Variants in SLC23A2 observed in about 807,000 individuals in gnomAD.
SLC23A2 encodes the protein Na(+)/L-ascorbic acid transporter 2.
SLC23A2 carries 36 observed loss-of-function variants against 73.3 expected under a neutral mutation model. The observed-to-expected ratio is 0.49, with a 90% confidence interval of 0.38 to 0.65. The LOEUF is 0.65. Among genes scored for constraint, SLC23A2 ranks in the 30% least tolerant of loss-of-function variants. The probability of loss-of-function intolerance (pLI) is 0.00; values close to 1 mark genes in which losing one functional copy is unlikely to be tolerated. For missense variants in SLC23A2, 507 were observed against 841.6 expected, an observed-to-expected ratio of 0.60 and a Z score of 4.92; for synonymous variants, 343 against 327.3, an observed-to-expected ratio of 1.05 and a Z score of -0.52.
chr20:4,945,712 A>G (rs1230552327), intron 2 of SLC23A2, among the ~76,000 whole-genome samples: 1 of 152,192 alleles, frequency 6.6e-6, no homozygotes, highest in Non-Finnish European at 1.5e-5. Context: ...ATATCTCAAA[A>G]GACAGGGGTA....
At chr20:4,966,431 C>T (rs959927724) in intron 2 of SLC23A2, among the ~76,000 whole-genome samples, 5 of 151,994 alleles carry the variant, frequency 3.3e-5, no homozygotes, top group African/African-American at 1.2e-4. Context: ...AGCCACCAGC[C>T]CCAGGTGGCT....
intron 3 of SLC23A2, among the ~76,000 whole-genome samples, chr20:4,931,136 G>T (rs1362624263): frequency 7.1e-6 from 1 of 140,752 alleles, no homozygotes; most frequent in Non-Finnish European, 1.5e-5. Context: ...AAGCTCTCAA[G>T]TTCAAAACCA....
chr20:4,971,145 T>G (rs139962910), intron 1 of SLC23A2, among the ~76,000 whole-genome samples: 3 of 152,262 alleles, frequency 2.0e-5, no homozygotes, highest in African/African-American at 7.2e-5. Flanking sequence ...CAAAGTATTT[T>G]GAAAGATAGT....
chr20:4,961,193 C>T (rs1226404190), intron 2 of SLC23A2, among the ~76,000 whole-genome samples: 2 of 151,300 alleles, frequency 1.3e-5, no homozygotes, highest in African/African-American at 4.9e-5. Flanking sequence ...CTGCAACCTG[C>T]ACCTCCCAGG....
chr20:4,900,151 C>T (rs1034910309), intron 5 of SLC23A2, among the ~76,000 whole-genome samples: 1 of 151,980 alleles, frequency 6.6e-6, no homozygotes, highest in African/African-American at 2.4e-5. Context: ...GGATTACAGG[C>T]GTGAGCCACC....
intron 2 of SLC23A2, among the ~76,000 whole-genome samples, chr20:4,948,508 C>T (rs1294653909): frequency 6.6e-6 from 1 of 152,160 alleles, no homozygotes; most frequent in East Asian, 1.9e-4. Flanking sequence ...AAAGGGAGCT[C>T]TGAGGGATTC....
At chr20:4,987,810 T>C (rs566700274) in intron 1 of SLC23A2, among the ~76,000 whole-genome samples, 31 of 151,166 alleles carry the variant, frequency 2.1e-4, no homozygotes, top group Non-Finnish European at 2.9e-4. Context: ...CACGCCACTG[T>C]GCTCCAGCCT....
chr20:4,908,693 C>T (rs1242992393), intron 4 of SLC23A2, among the ~76,000 whole-genome samples: 1 of 152,146 alleles, frequency 6.6e-6, no homozygotes, highest in Non-Finnish European at 1.5e-5. Flanking sequence ...CTTTGGGAGG[C>T]CGAAGCAGGT....
At chr20:4,928,491 G>C (rs1021416228) in intron 3 of SLC23A2, among the ~76,000 whole-genome samples, 6 of 152,088 alleles carry the variant, frequency 3.9e-5, no homozygotes, top group African/African-American at 1.4e-4. Flanking sequence ...TTCAGACTAA[G>C]GTTCATCTTG....
At chr20:4,940,120 C>A (rs1405064745) in intron 2 of SLC23A2, among the ~76,000 whole-genome samples, 1 of 152,048 alleles carries the variant, frequency 6.6e-6, no homozygotes, top group Non-Finnish European at 1.5e-5. Flanking sequence ...GAGTTTGAGA[C>A]CAGCCTGGGT....
chr20:4,899,688 T>C lies in SLC23A2; in HGVS notation c.349A>G (p.Thr117Ala). 1 of 1,614,156 alleles carries C rather than the reference T, an allele frequency of 6.2e-7. No individual in the cohort carries two copies. Among genetic ancestry groups the C allele is most frequent in the Non-Finnish European group, 8.5e-7 (1 of 1,180,018 alleles). ...GCCAACAGGAAGGGCACTGCGATCG[T>C]GCCGCTGAAGCATGTCAGGTAGTGC... Reference protein sequence around the residue: ...LQHYLTCFSGTIAVPFLLADA... With the variant: ...LQHYLTCFSGAIAVPFLLADA... Residue 117 changes from threonine to alanine, a missense_variant, in exon 6 of 17, where the codon ACG (threonine) becomes GCG (alanine). Physicochemically the swap from Thr to Ala is moderately conservative, Grantham distance 58. Around this residue, in one of 5 missense-constraint regions of SLC23A2, gnomAD observed 217 missense variants for 398.0 expected, o/e 0.55. Transcript: ENST00000338244. The surrounding 1 kb of genome is among the most constrained non-coding windows in gnomAD (Gnocchi z 4.9).
At chr20:4,887,226 G>A (rs564458404) in intron 6 of SLC23A2, among the ~76,000 whole-genome samples, 1 of 152,316 alleles carries the variant, frequency 6.6e-6, no homozygotes, top group Middle Eastern at 3.4e-3. Flanking sequence ...AGAGGATAGC[G>A]GAAGTGAAGG....
Position 4,874,039 on chromosome 20 carries a change from T to C in SLC23A2, c.999A>G (p.Thr333=). The part of the protein sequence containing the change: ...SWLLCFIFTV[T]DVFPPDSTKY... ...TTGTGCTGTCGGGAGGGAAGACATCTGTCACCGTGAAGATGAAGCAGAGCA... is the reference window on the plus strand; with the variant it reads ...TTGTGCTGTCGGGAGGGAAGACATCCGTCACCGTGAAGATGAAGCAGAGCA... The change falls in exon 11 of 17, where the codon ACA becomes ACG. Residue 333 remains threonine, a synonymous_variant. Coordinates refer to ENST00000338244, the MANE Select transcript of SLC23A2 (RefSeq NM_005116.6). 6.2e-7 allele frequency: 1 copy of C among 1,614,130 alleles called. No individual in the cohort carries two copies. The highest frequency in any genetic ancestry group is 1.1e-5 in the South Asian group (1 of 91,086).
Position 4,953,347 on chromosome 20 carries a change from G to T in SLC23A2, c.-155+17446C>A, listed in dbSNP as rs918737359. ...AATTAAATTAAATAAAAAAAGAAAT[G>T]TAATTAAATAAAGCAGACAGAAAAG... On this transcript the variant is annotated intron_variant, in intron 2 of 16. Coordinates refer to ENST00000338244, the MANE Select transcript of SLC23A2 (RefSeq NM_005116.6). Among the ~76,000 whole-genome samples the T allele has an allele frequency of 6.6e-5, 10 of 151,802 alleles. 1 individual carries two copies. The highest frequency in any genetic ancestry group is 3.4e-3 in the Middle Eastern group (1 of 294).
At chr20:5,007,525 A>G (rs1193388526) in intron 1 of SLC23A2, among the ~76,000 whole-genome samples, 3 of 152,212 alleles carry the variant, frequency 2.0e-5, no homozygotes, top group Non-Finnish European at 4.4e-5. Context: ...AGCAAGACTC[A>G]GTGTCAAAAA....
chr20:5,001,198 T>C (rs909337760), intron 1 of SLC23A2, among the ~76,000 whole-genome samples: 36 of 150,072 alleles, frequency 2.4e-4, no homozygotes, highest in African/African-American at 8.8e-4. Context: ...GCCGGGCATC[T>C]TGGGCCCCGG....
intron 2 of SLC23A2, among the ~76,000 whole-genome samples, chr20:4,955,689 T>C (rs1233297423): frequency 2.0e-5 from 3 of 151,832 alleles, no homozygotes; most frequent in African/African-American, 4.8e-5. Context: ...ACTTGAAGGG[T>C]TGAGGTGGGA....
chr20:4,993,265 G>A (rs2087958751), intron 1 of SLC23A2, among the ~76,000 whole-genome samples: 2 of 139,060 alleles, frequency 1.4e-5, no homozygotes, highest in South Asian at 4.5e-4. Context: ...GCCTGGGCGC[G>A]CCACTGCACC....
chr20:4,853,805 T>A lies in SLC23A2; in HGVS notation c.*3167A>T, dbSNP rs1403945058. 6.6e-6 allele frequency: 1 copy of A among 152,288 alleles called. No homozygotes were observed. Among genetic ancestry groups the A allele is most frequent in the Non-Finnish European group, 1.5e-5 (1 of 68,036 alleles). 9.4% of individuals were successfully genotyped at this position (152,288 alleles called of 1,614,324 possible). On this transcript the variant is annotated 3_prime_UTR_variant, in exon 17 of 17. Transcript: ENST00000338244. ...AAGCCACTTCTCTTGCCTTGATCAA[T>A]CCCAAGAAACTAAAAGTTAGCATTT...
Sources: gnomAD v4.1 joint callset for allele counts (sites outside exome capture counted in the v4.1 genomes callset) on GRCh38, gnomAD v4.1.1 for gene constraint, gnomAD v4.1.1 regional missense constraint, Gnocchi (gnomAD v3.1) non-coding constraint, MANE v1.5 for transcripts, NCBI Gene and HGNC (gene_info 2026-07-23, HGNC 2026-07-21) for gene names.